The following C4orf51 variants were observed in gnomAD, a reference collection of about 807,000 sequenced individuals.
C4orf51 encodes uncharacterized protein C4orf51.
A neutral mutation model predicts 25.2 loss-of-function variants in C4orf51; 25 were observed. That is an observed-to-expected ratio of 0.99 (90% CI 0.72 to 1.39). C4orf51 has a LOEUF of 1.39. C4orf51 is among the 40% of genes most tolerant of loss of function. The probability of loss-of-function intolerance (pLI) is 0.00; values close to 1 mark genes in which losing one functional copy is unlikely to be tolerated. For missense variants in C4orf51, 252 were observed against 239.6 expected, an observed-to-expected ratio of 1.05 and a Z score of -0.34; for synonymous variants, 100 against 84.5, an observed-to-expected ratio of 1.18 and a Z score of -1.01.
chr4:145,779,672 A>G, the C4orf51 span, among the ~76,000 whole-genome samples: 1 of 152,202 alleles, frequency 6.6e-6, no homozygotes, highest in Admixed American at 6.5e-5. Context: ...TCCTGTCTCT[A>G]AGAAGGCCGT....
downstream of C4orf51, among the ~76,000 whole-genome samples, chr4:145,733,327 C>A (rs571171714): frequency 1.3e-5 from 2 of 152,224 alleles, no homozygotes; most frequent in African/African-American, 2.4e-5. Context: ...CTGATTCCCC[C>A]CCACCACCGC....
At chr4:145,740,307 T>C (rs1733033523) in intron 1 of C4orf51, among the ~76,000 whole-genome samples, 1 of 97,988 alleles carries the variant, frequency 1.0e-5, no homozygotes. Context: ...TGTGAGGTTT[T>C]CAAAACTGCA....
chr4:145,774,537 C>G, downstream of C4orf51: 1 of 1,611,960 alleles, frequency 6.2e-7, no homozygotes, highest in South Asian at 1.1e-5. Flanking sequence ...GAGTCTTTAT[C>G]TCTGCTTCCT....
Position 145,770,347 on chromosome 4 carries a change from T to A in C4orf51, n.167-641T>A, listed in dbSNP as rs11734400. Among the ~76,000 whole-genome samples, 377 of 53,802 alleles carry A rather than the reference T, an allele frequency of 7.0e-3. 3 individuals are homozygous for A. The highest frequency in any genetic ancestry group is 0.012 in the African/African-American group (269 of 22,264). The allele number at this position is 53,802 out of a possible 152,430, so 35.3% of individuals were successfully genotyped here. A position where few individuals can be genotyped will look rare whatever the true frequency, so the allele number is the denominator to read the frequency against. ...ATAAATAAATAAATAAATAAATAAA[T>A]AAAATAGATCAGAACATGTGAGTTT... is the stretch of plus-strand genomic sequence containing the variant. On this transcript the variant is annotated intron_variant and non_coding_transcript_variant, in intron 1 of 1. Coordinates refer to the C4orf51 transcript ENST00000510096.
downstream of C4orf51, among the ~76,000 whole-genome samples, chr4:145,737,096 A>G (rs1403326828): frequency 6.6e-6 from 1 of 151,870 alleles, no homozygotes; most frequent in Non-Finnish European, 1.5e-5. Flanking sequence ...TGGTAGGCAG[A>G]GTTAAAAAAA....
Position 145,686,947 on chromosome 4 carries a change from G to C in C4orf51, c.233+6511G>C, listed in dbSNP as rs1036504022. 4.0e-5 allele frequency among the ~76,000 whole-genome samples: 6 copies of C among 151,746 alleles called. No individual in the cohort carries two copies. In the East Asian group the frequency reaches 1.2e-3, roughly 30 times the overall value. On this transcript the variant is annotated intron_variant, in intron 1 of 5. Transcript: ENST00000438731. The stretch of plus-strand genomic sequence containing the variant: ...CACATGGCAGCCTGACACCAAACTT[G>C]ATGTCACTTAAGGGGATTCTGAGGA...
chr4:145,754,230 T>C (rs1412200508), exon 2 of C4orf51: 1 of 152,260 alleles, frequency 6.6e-6, no homozygotes, highest in Non-Finnish European at 1.5e-5. Context: ...TCAGATGTCA[T>C]TGACAGGACC....
Position 145,769,942 on chromosome 4 carries a change from T to C in C4orf51, n.167-1046T>C, listed in dbSNP as rs543329167. 1.6e-3 allele frequency among the ~76,000 whole-genome samples: 240 copies of C among 152,364 alleles called. 1 individual carries two copies. Among genetic ancestry groups the C allele is most frequent in the South Asian group, 4.6e-3 (22 of 4,828 alleles). ...ACACTGTTACATTTTAGAGTACTTT[T>C]CATTCTTAACAAAGTAAGCACTTCT... On this transcript the variant is annotated intron_variant and non_coding_transcript_variant, in intron 1 of 1. Transcript: ENST00000510096.
Position 145,727,891 on chromosome 4 carries a change from A to ATG in C4orf51, c.366+926_366+927dup, listed in dbSNP as rs1213323580. ...GAGTGAAACTCCACCTACAAAAAAA[A>ATG]TGTGTATATATATATATATATATAT... On this transcript the variant is annotated intron_variant, in intron 3 of 5. Coordinates refer to ENST00000438731, the MANE Select transcript of C4orf51 (RefSeq NM_001080531.3). Among the ~76,000 whole-genome samples, 253 of 53,286 alleles carry ATG rather than the reference A, an allele frequency of 4.7e-3. 3 individuals are homozygous for ATG. The highest frequency in any genetic ancestry group is 0.014 in the Middle Eastern group (2 of 140). The allele number at this position is 53,286 out of a possible 152,430, so 35.0% of individuals were successfully genotyped here.
chr4:145,779,890 C>T, the C4orf51 span, among the ~76,000 whole-genome samples: 2 of 152,206 alleles, frequency 1.3e-5, no homozygotes, highest in Admixed American at 6.5e-5. Flanking sequence ...TGCCACAAGG[C>T]AGTAAATAAA....
At chr4:145,683,690 C>A (rs1728967167) in intron 1 of C4orf51, among the ~76,000 whole-genome samples, 4 of 152,166 alleles carry the variant, frequency 2.6e-5, no homozygotes, top group Admixed American at 2.6e-4. Flanking sequence ...ACTAGACATC[C>A]ACATGCCAAA....
At chr4:145,698,981 C>T (rs189484708) in intron 2 of C4orf51, among the ~76,000 whole-genome samples, 31 of 151,926 alleles carry the variant, frequency 2.0e-4, no homozygotes, top group African/African-American at 5.8e-4. Flanking sequence ...TGTAAATGGC[C>T]GGTCCTTGCC....
chr4:145,747,390 G>GTT (rs34568681), intron 1 of C4orf51, among the ~76,000 whole-genome samples: 166 of 146,066 alleles, frequency 1.1e-3, no homozygotes, highest in Admixed American at 1.8e-3. Flanking sequence ...GTTTTTTGAG[G>GTT]TTTTTTTTTT....
chr4:145,696,352 T>TA (rs953232739), intron 1 of C4orf51, among the ~76,000 whole-genome samples: 28 of 152,132 alleles, frequency 1.8e-4, no homozygotes, highest in Admixed American at 1.2e-3. Context: ...TATCGGGTAT[T>TA]AGATTTAATA....
At chr4:145,700,773 A>G (rs1730385471) in intron 2 of C4orf51, among the ~76,000 whole-genome samples, 1 of 151,888 alleles carries the variant, frequency 6.6e-6, no homozygotes, top group Non-Finnish European at 1.5e-5. Context: ...CTACAGACCC[A>G]TCTGACCTCT....
intron 1 of C4orf51, among the ~76,000 whole-genome samples, chr4:145,744,265 A>G (rs1173458098): frequency 1.3e-5 from 2 of 152,124 alleles, no homozygotes; most frequent in Non-Finnish European, 2.9e-5. Context: ...TGGGATGGAA[A>G]CTTTGGGCTC....
At chr4:145,791,636 T>C in the C4orf51 span, among the ~76,000 whole-genome samples, 1 of 152,212 alleles carries the variant, frequency 6.6e-6, no homozygotes, top group Non-Finnish European at 1.5e-5. Flanking sequence ...AATACACATA[T>C]ACTTTCTTTA....
At position 145,683,860 on chromosome 4, in the gene C4orf51, A is replaced by G. The variant is rs189583894; in HGVS notation, c.233+3424A>G. 5.0e-4 allele frequency among the ~76,000 whole-genome samples: 76 copies of G among 152,342 alleles called. 1 individual carries two copies. In the East Asian group the frequency reaches 0.011, roughly 21 times the overall value. On this transcript the variant is annotated intron_variant, in intron 1 of 5. Transcript: ENST00000438731. ...CAATGGCAATGATATTTTAGATACA[A>G]CACCAAAGGTATGATCCATCAAAGA...
intron 2 of C4orf51, among the ~76,000 whole-genome samples, chr4:145,712,256 A>T (rs1731173473): frequency 6.6e-6 from 1 of 152,212 alleles, no homozygotes; most frequent in Admixed American, 6.5e-5. Context: ...TCTTACTTTA[A>T]ATTAAAAGCT....
Sources: allele counts gnomAD v4.1 joint callset (sites outside exome capture counted in the v4.1 genomes callset), GRCh38; gene constraint gnomAD v4.1.1; transcripts MANE v1.5; gene names NCBI Gene and HGNC (gene_info 2026-07-23, HGNC 2026-07-21).